Variants in PSME4 observed in about 807,000 individuals in gnomAD.
PSME4 encodes proteasome activator complex subunit 4.
PSME4 carries 89 observed loss-of-function variants against 253.9 expected under a neutral mutation model. That is an observed-to-expected ratio of 0.35 (90% CI 0.30 to 0.42). The LOEUF (loss-of-function observed/expected upper bound fraction) is 0.42. Ranked by LOEUF, PSME4 falls within the 10% of genes least tolerant of loss-of-function variation. The probability of loss-of-function intolerance (pLI) is 1.00; values close to 1 mark genes in which losing one functional copy is unlikely to be tolerated. For missense variants in PSME4, 2,014 were observed against 2,195.2 expected (o/e 0.92, Z 1.65); for synonymous variants, 851 against 759.2 (o/e 1.12, Z -1.99).
chr2:53,933,375 C>CTAAAAAA (rs1668942052), intron 8 of PSME4, among the ~76,000 whole-genome samples: 1 of 60,628 alleles, frequency 1.6e-5, no homozygotes, highest in Non-Finnish European at 2.8e-5. Context: ...GAGACCATCT[C>CTAAAAAA]AAAAAAAAAA....
chr2:53,942,958 A>G (rs189616142), intron 3 of PSME4, among the ~76,000 whole-genome samples: 5 of 152,316 alleles, frequency 3.3e-5, no homozygotes, highest in Non-Finnish European at 7.3e-5. Context: ...TTATGATGCC[A>G]TTAACAAAGT....
At chr2:53,882,009 G>A (rs1573207334) in intron 41 of PSME4, among the ~76,000 whole-genome samples, 1 of 151,720 alleles carries the variant, frequency 6.6e-6, no homozygotes, top group Non-Finnish European at 1.5e-5. Context: ...GAATAGGCAA[G>A]TTTATATATA....
At chr2:53,927,267 T>A in intron 12 of PSME4, 127 bp downstream of exon 12, 1 of 686,194 alleles carries the variant, frequency 1.5e-6, no homozygotes, top group Non-Finnish European at 2.5e-6. Flanking sequence ...GCCCTCCATA[T>A]GTACCATTCT....
chr2:53,940,098 G>T, intron 3 of PSME4, 98 bp from the exon 4 acceptor site: 1 of 942,266 alleles, frequency 1.1e-6, no homozygotes, highest in Non-Finnish European at 1.5e-6. Flanking sequence ...ACACATTCAG[G>T]TATTATTTGT....
chr2:53,901,512 T>C lies in PSME4; in HGVS notation c.3123A>G (p.Ala1041=). Residue 1041 remains alanine, a synonymous_variant, in exon 28 of 47, where the codon GCA becomes GCG. Transcript: ENST00000404125. ...LLGNHSGVCL[A]NLHDWDCIVQ... The stretch of plus-strand genomic sequence containing the variant: ...CAATACAGTCCCAATCATGAAGGTT[T>C]GCCAAGCACACACCACTGTGATTTC... The C allele has an allele frequency of 1.2e-6, 2 of 1,613,824 alleles. No individual in the cohort carries two copies. Among genetic ancestry groups the C allele is most frequent in the Non-Finnish European group, 1.7e-6 (2 of 1,179,840 alleles).
intron 26 of PSME4, among the ~76,000 whole-genome samples, chr2:53,905,327 G>A (rs1277435384): frequency 6.7e-6 from 1 of 149,378 alleles, no homozygotes; most frequent in Non-Finnish European, 1.5e-5. Context: ...ACCACACCCG[G>A]CCTCAAACTC....
chr2:53,957,162 G>C (rs879373992), intron 1 of PSME4, among the ~76,000 whole-genome samples: 6 of 152,266 alleles, frequency 3.9e-5, no homozygotes, highest in Non-Finnish European at 8.8e-5. Context: ...AAGTTCTTTA[G>C]AGCAGTGGTC....
At chr2:53,952,638 T>C (rs533700685) in intron 1 of PSME4, among the ~76,000 whole-genome samples, 1 of 152,286 alleles carries the variant, frequency 6.6e-6, no homozygotes, top group African/African-American at 2.4e-5. Context: ...AGAGAAACAC[T>C]GTACTCTAAG....
At chr2:53,946,256 G>A (rs923811753) in intron 3 of PSME4, among the ~76,000 whole-genome samples, 3 of 152,218 alleles carry the variant, frequency 2.0e-5, no homozygotes, top group African/African-American at 7.2e-5. Context: ...AAGGCATACT[G>A]AAGAACAGGG....
Position 53,895,659 on chromosome 2 carries a change from T to A in PSME4, c.3766A>T (p.Ile1256Leu). The change falls in exon 33 of 47, where the codon ATA becomes TTA. Residue 1256 changes from isoleucine (I) to leucine (L), a missense_variant. Physicochemically the swap from Ile to Leu is conservative, Grantham distance 5. This residue lies in a region of PSME4 where 989 missense variants were observed against 1,021.1 expected (regional missense o/e 0.97). Transcript: ENST00000404125. Reference protein sequence around the residue: ...NHWLHYDSKTIPRTKKEWESS... With the variant: ...NHWLHYDSKTLPRTKKEWESS... ...TCCCATTCTTTTTTAGTTCTTGGTA[T>A]AGTTTTGCTGTCATAATGCAACCAA... is the stretch of plus-strand genomic sequence containing the variant. 1 of 1,613,770 alleles carries A rather than the reference T, an allele frequency of 6.2e-7. No homozygotes were observed. Among genetic ancestry groups the A allele is most frequent in the Non-Finnish European group, 8.5e-7 (1 of 1,179,838 alleles).
chr2:53,880,824 T>A (rs1679348352), intron 41 of PSME4, among the ~76,000 whole-genome samples: 1 of 152,012 alleles, frequency 6.6e-6, no homozygotes. Flanking sequence ...ACACGTGGAG[T>A]TGTTTTCCTG....
chr2:53,879,456 T>A (rs541516453), intron 41 of PSME4, among the ~76,000 whole-genome samples: 1 of 152,324 alleles, frequency 6.6e-6, no homozygotes, highest in South Asian at 2.1e-4. Context: ...GCAGGAAACA[T>A]ACTTAGAGCA....
chr2:53,871,295 G>C (rs1422448030), intron 43 of PSME4, among the ~76,000 whole-genome samples: 1 of 151,952 alleles, frequency 6.6e-6, no homozygotes. Context: ...TCTGTCACCA[G>C]GATGGAGTGC....
chr2:53,868,522 A>AATATAT (rs553610670), intron 44 of PSME4, among the ~76,000 whole-genome samples: 2 of 56,546 alleles, frequency 3.5e-5, no homozygotes, highest in Non-Finnish European at 7.4e-5. Flanking sequence ...ATATATTTAT[A>AATATAT]ATATATATAA....
At chr2:53,887,127 C>G (rs1383749376) in intron 40 of PSME4, 132 bp downstream of exon 40, 1 of 777,048 alleles carries the variant, frequency 1.3e-6, no homozygotes, top group African/African-American at 1.8e-5. Flanking sequence ...GAACTGTACA[C>G]TTAAAAATGG....
chr2:53,895,107 G>T (rs754572572), intron 33 of PSME4, 31 bp from the exon 34 acceptor site: 1 of 1,559,936 alleles, frequency 6.4e-7, no homozygotes, highest in Non-Finnish European at 8.7e-7. Flanking sequence ...TTTATCATAC[G>T]CATAGAAAAA....
intron 29 of PSME4, 45 bp downstream of exon 29, chr2:53,899,836 A>C: frequency 6.3e-7 from 1 of 1,594,032 alleles, no homozygotes; most frequent in Admixed American, 1.8e-5. Context: ...GCCAAAACTT[A>C]CTATCTATAA....
intron 43 of PSME4, 89 bp from the exon 44 acceptor site, chr2:53,869,627 G>C: frequency 9.3e-7 from 1 of 1,069,552 alleles, no homozygotes. Context: ...CTGGGGTGAA[G>C]ACCTTCCCTG....
At chr2:53,933,347 C>T (rs1668938653) in intron 8 of PSME4, among the ~76,000 whole-genome samples, 1 of 130,580 alleles carries the variant, frequency 7.7e-6, no homozygotes, top group African/African-American at 3.1e-5. Context: ...TACTGCACTC[C>T]AGCCTGGGCG....
Sources: allele counts gnomAD v4.1 joint callset (sites outside exome capture counted in the v4.1 genomes callset), GRCh38; gene constraint gnomAD v4.1.1; regional missense constraint gnomAD v4.1.1; transcripts MANE v1.5; gene names NCBI Gene and HGNC (gene_info 2026-07-23, HGNC 2026-07-21).